The following FBXO7 variants were observed in gnomAD, a reference collection of about 807,000 sequenced individuals.
FBXO7 encodes the protein F-box only protein 7.
FBXO7 carries 31 observed loss-of-function variants against 50.2 expected under a neutral mutation model. That is an observed-to-expected ratio of 0.62 (90% CI 0.46 to 0.83). FBXO7 has a LOEUF of 0.83. Among genes scored for constraint, FBXO7 ranks in the 40% least tolerant of loss-of-function variants. The probability of loss-of-function intolerance (pLI) is 0.00; values close to 1 mark genes in which losing one functional copy is unlikely to be tolerated. For synonymous variants in FBXO7, 256 were observed against 253.1 expected, an observed-to-expected ratio of 1.01 and a Z score of -0.11; for missense variants, 667 against 646.6, an observed-to-expected ratio of 1.03 and a Z score of -0.34.
At chr22:32,475,474 G>C in intron 1 of FBXO7, 1 of 1,569,214 alleles carries the variant, frequency 6.4e-7, no homozygotes, top group Non-Finnish European at 8.7e-7. Context: ...CAACTGGTTA[G>C]ATTTCAAGTT....
intron 4 of FBXO7, among the ~76,000 whole-genome samples, chr22:32,486,663 A>C (rs528917506): frequency 6.6e-6 from 1 of 152,286 alleles, no homozygotes; most frequent in East Asian, 1.9e-4. Context: ...CTTTAGTCAT[A>C]AGATTCTTTG....
chr22:32,491,875 T>TA (rs2057539837), intron 6 of FBXO7: 1 of 152,210 alleles, frequency 6.6e-6, no homozygotes, highest in African/African-American at 2.4e-5. Flanking sequence ...CTCAGTGTCT[T>TA]ACAGTGAAAT....
chr22:32,498,659 C>CT lies in FBXO7; in HGVS notation c.*133dup, dbSNP rs2057594531. On this transcript the variant is annotated 3_prime_UTR_variant, in exon 9 of 9. Transcript: ENST00000266087. ...TGTTGAGAGTTGCACTCCCAGAAAC[C>CT]TTTTAAGAGATACATTTATAGCCCT... The CT allele has an allele frequency of 1.2e-5, 14 of 1,124,748 alleles. No homozygotes were observed. In the South Asian group the frequency reaches 1.9e-4, roughly 15 times the overall value. 69.7% of individuals were successfully genotyped at this position (1,124,748 alleles called of 1,614,324 possible). A position where few individuals can be genotyped will look rare whatever the true frequency, so the allele number is the denominator to read the frequency against.
chr22:32,482,238 T>C (rs977144992), intron 2 of FBXO7, among the ~76,000 whole-genome samples: 2 of 152,190 alleles, frequency 1.3e-5, no homozygotes, highest in African/African-American at 4.8e-5. Flanking sequence ...TTTTGGGTAA[T>C]GTGACTTGTC....
chr22:32,498,364 C>A lies in FBXO7; in HGVS notation c.1403C>A (p.Pro468His). ...GDPISSLIPG[P>H]GETPSQFPPL... ...CCAATCAGTTCACTCATTCCTGGTCCTGGGGAGACGCCCAGCCAGTTTCCT... is the reference window on the plus strand; with the variant it reads ...CCAATCAGTTCACTCATTCCTGGTCATGGGGAGACGCCCAGCCAGTTTCCT... The change falls in exon 9 of 9, where the codon CCT (proline) becomes CAT (histidine). Residue 468 changes from proline (P) to histidine (H), a missense_variant. Coordinates refer to ENST00000266087, the MANE Select transcript of FBXO7 (RefSeq NM_012179.4). 6.2e-7 allele frequency: 1 copy of A among 1,614,162 alleles called. No individual in the cohort carries two copies. Among genetic ancestry groups the A allele is most frequent in the South Asian group, 1.1e-5 (1 of 91,084 alleles).
At position 32,487,775 on chromosome 22, in the gene FBXO7, G is replaced by T. The variant is rs747189870; in HGVS notation, c.818G>T (p.Ser273Ile). Residue 273 changes from serine (S) to isoleucine (I), a missense_variant, in exon 5 of 9, where the codon AGT becomes ATT. Physicochemically the swap from Ser to Ile is moderately radical, Grantham distance 142. Transcript: ENST00000266087. Reference protein sequence around the residue: ...ATLKINNEIRSVKRLQLLPES... With the variant: ...ATLKINNEIRIVKRLQLLPES... ...CTAAAAATCAACAATGAGATTAGAA[G>T]TGTGAAAAGATTGCAGCTGCTACCA... is the stretch of plus-strand genomic sequence containing the variant. 3.2e-5 allele frequency: 52 copies of T among 1,609,662 alleles called. No individual in the cohort carries two copies. In the South Asian group the frequency reaches 5.6e-4, roughly 17 times the overall value.
At chr22:32,480,637 C>G (rs2057458559) in intron 2 of FBXO7, among the ~76,000 whole-genome samples, 1 of 151,562 alleles carries the variant, frequency 6.6e-6, no homozygotes, top group Admixed American at 6.6e-5. Flanking sequence ...ATCTGATTAT[C>G]TTTATTGCCT....
At chr22:32,484,945 A>G in intron 3 of FBXO7, 123 bp from the exon 4 acceptor site, 4 of 1,115,972 alleles carry the variant, frequency 3.6e-6, no homozygotes, top group Non-Finnish European at 5.4e-6. Flanking sequence ...GATTTGATGC[A>G]TTTTATTAAG....
intron 5 of FBXO7, chr22:32,488,377 A>G (rs2057512869): frequency 6.5e-6 from 1 of 153,122 alleles, no homozygotes; most frequent in Non-Finnish European, 1.5e-5. Context: ...AATAGATACA[A>G]AGAAGACAGG....
intron 4 of FBXO7, among the ~76,000 whole-genome samples, chr22:32,485,952 T>C (rs2057495904): frequency 6.6e-6 from 1 of 152,224 alleles, no homozygotes; most frequent in Admixed American, 6.5e-5. Flanking sequence ...TTTTGAGATT[T>C]ATCCTTTTAG....
Position 32,475,114 on chromosome 22 carries a change from T to A in FBXO7, c.112T>A (p.Trp38Arg). The A allele has an allele frequency of 1.4e-6, 2 of 1,462,592 alleles. No homozygotes were observed. Among genetic ancestry groups the A allele is most frequent in the Non-Finnish European group, 1.8e-6 (2 of 1,095,990 alleles). The allele number at this position is 1,462,592 out of a possible 1,614,324, so 90.6% of individuals were successfully genotyped here. The change falls in exon 1 of 9, where the codon TGG (tryptophan) becomes AGG (arginine). Residue 38 changes from tryptophan to arginine, a missense_variant. Physicochemically the swap from Trp to Arg is moderately radical, Grantham distance 101. Coordinates refer to ENST00000266087, the MANE Select transcript of FBXO7 (RefSeq NM_012179.4). ...SHLRQSLLCT[W>R]GYSSNTRFTI... Reference sequence around the variant, plus strand: ...CCTGAGGCAGTCCCTGCTGTGCACCTGGGGGTACAGGTACGCTGGGGCCGG... The same window carrying A: ...CCTGAGGCAGTCCCTGCTGTGCACCAGGGGGTACAGGTACGCTGGGGCCGG...
chr22:32,475,376 C>T (rs1390649093), intron 1 of FBXO7: 2 of 1,610,962 alleles, frequency 1.2e-6, no homozygotes, highest in Non-Finnish European at 1.7e-6. Flanking sequence ...CCCGGCCTCC[C>T]GGGGGCTCTG....
chr22:32,489,455 T>C (rs754197797), intron 5 of FBXO7: 5 of 152,206 alleles, frequency 3.3e-5, no homozygotes, highest in South Asian at 2.1e-4. Flanking sequence ...GACCTTGTTA[T>C]GGGGAGTAGA....
chr22:32,483,706 G>A (rs2145992755), intron 2 of FBXO7, among the ~76,000 whole-genome samples, 191 bp from the exon 3 acceptor site: 1 of 152,288 alleles, frequency 6.6e-6, no homozygotes, highest in South Asian at 2.1e-4. Context: ...AGAATTAACA[G>A]AGGTAAGGAA....
intron 7 of FBXO7, among the ~76,000 whole-genome samples, chr22:32,493,678 G>A (rs1388921403): frequency 2.0e-5 from 3 of 152,304 alleles, no homozygotes; most frequent in African/African-American, 2.4e-5. Context: ...CTTTATTTCT[G>A]TATGGTCACA....
At position 32,493,390 on chromosome 22, in the gene FBXO7, A is replaced by G. The variant is rs368427860; in HGVS notation, c.1144+109A>G. The G allele has an allele frequency of 5.5e-4, 477 of 863,992 alleles. 10 individuals carry two copies. The South Asian group carries it at 5.9e-3, about 11-fold the overall frequency. 53.5% of individuals were successfully genotyped at this position (863,992 alleles called of 1,614,324 possible). ...TTTTTCTGTTGCAAATGATTACAAT[A>G]AATAGCCTTAAAGAGACTGACTCTA... On this transcript the variant is annotated intron_variant, in intron 7 of 8. Transcript: ENST00000266087.
intron 3 of FBXO7, among the ~76,000 whole-genome samples, chr22:32,484,625 C>T (rs1012026145): frequency 9.9e-5 from 15 of 152,240 alleles, no homozygotes; most frequent in African/African-American, 3.4e-4. Context: ...AGAAATAACA[C>T]AGGTAAACAT....
At chr22:32,482,849 G>C (rs1015501372) in intron 2 of FBXO7, among the ~76,000 whole-genome samples, 1 of 152,196 alleles carries the variant, frequency 6.6e-6, no homozygotes, top group Non-Finnish European at 1.5e-5. Flanking sequence ...TTATAAACTT[G>C]CAGTCATGGA....
intron 4 of FBXO7, among the ~76,000 whole-genome samples, chr22:32,486,579 T>G (rs969923523): frequency 2.0e-5 from 3 of 152,302 alleles, no homozygotes; most frequent in African/African-American, 7.2e-5. Flanking sequence ...TGAAGCAATA[T>G]TCCTGCCTTG....
Sources: allele counts gnomAD v4.1 joint callset (sites outside exome capture counted in the v4.1 genomes callset), GRCh38; gene constraint gnomAD v4.1.1; transcripts MANE v1.5; gene names NCBI Gene and HGNC (gene_info 2026-07-23, HGNC 2026-07-21).